The following CLIP2 variants were observed in gnomAD, a reference collection of about 807,000 sequenced individuals.
The protein encoded by CLIP2 is CAP-Gly domain containing linker protein 2, also known as CAP-Gly domain-containing linker protein 2.
In CLIP2, 41 loss-of-function variants were observed where a neutral mutation model predicts 111.7. That is an observed-to-expected ratio of 0.37 (90% CI 0.29 to 0.48). CLIP2 has a LOEUF of 0.48. CLIP2 is among the 20% of genes least tolerant of loss of function. CLIP2 has a pLI of 0.99. For missense variants in CLIP2, 1,160 were observed against 1,422.1 expected, an observed-to-expected ratio of 0.82 and a Z score of 2.96; for synonymous variants, 660 against 644.2, an observed-to-expected ratio of 1.02 and a Z score of -0.37.
chr7:74,364,178 T>C, intron 7 of CLIP2, 77 bp from the exon 8 acceptor site: 1 of 1,339,742 alleles, frequency 7.5e-7, no homozygotes, highest in East Asian at 2.5e-5. Context: ...GCCTTGCCTC[T>C]CTCTGCTGTT....
At chr7:74,329,861 C>T (rs2116533822) in intron 2 of CLIP2, among the ~76,000 whole-genome samples, 1 of 152,132 alleles carries the variant, frequency 6.6e-6, no homozygotes, top group South Asian at 2.1e-4. Context: ...CTCACTGCAA[C>T]CTCTGCCTCC....
At chr7:74,324,504 C>T (rs781813298) in intron 2 of CLIP2, among the ~76,000 whole-genome samples, 1 of 152,052 alleles carries the variant, frequency 6.6e-6, no homozygotes, top group Non-Finnish European at 1.5e-5. Flanking sequence ...ACTGGGTGGT[C>T]GGACTGCCTT....
intron 3 of CLIP2, among the ~76,000 whole-genome samples, chr7:74,349,301 CGT>C (rs1789902476): frequency 6.7e-6 from 1 of 150,198 alleles, no homozygotes; most frequent in Non-Finnish European, 1.5e-5. Flanking sequence ...CGTGGTGGCA[CGT>C]GCCTGTAATC....
At chr7:74,354,148 C>A in intron 4 of CLIP2, 144 bp downstream of exon 4, 2 of 1,013,996 alleles carry the variant, frequency 2.0e-6, no homozygotes, top group East Asian at 2.4e-5. Flanking sequence ...CCCTCCTTCC[C>A]AACAGCCCAC....
intron 1 of CLIP2, among the ~76,000 whole-genome samples, chr7:74,306,511 A>G (rs903220550): frequency 6.6e-6 from 1 of 152,008 alleles, no homozygotes. Flanking sequence ...CCAAACCAAG[A>G]TGGGCTTTCC....
intron 1 of CLIP2, among the ~76,000 whole-genome samples, chr7:74,305,542 G>A (rs927337678): frequency 2.7e-4 from 41 of 152,274 alleles, no homozygotes; most frequent in Admixed American, 1.4e-3. Context: ...CGCCCAGGCT[G>A]GAGTGCAATG....
chr7:74,399,009 G>C (rs981120653), intron 14 of CLIP2, among the ~76,000 whole-genome samples: 1 of 151,196 alleles, frequency 6.6e-6, no homozygotes, highest in Non-Finnish European at 1.5e-5. Context: ...CTGTGTCCAC[G>C]GGAGAACTTG....
intron 8 of CLIP2, among the ~76,000 whole-genome samples, chr7:74,366,613 C>T (rs1584365066): frequency 6.6e-6 from 1 of 152,228 alleles, no homozygotes; most frequent in South Asian, 2.1e-4. Context: ...CGTGGTGGCT[C>T]ACGCCTGTAA....
At chr7:74,291,727 C>T (rs1788024963) in intron 1 of CLIP2, among the ~76,000 whole-genome samples, 1 of 152,156 alleles carries the variant, frequency 6.6e-6, no homozygotes, top group East Asian at 1.9e-4. Flanking sequence ...CTGGTTAGCC[C>T]TGACCCGGCA....
intron 1 of CLIP2, among the ~76,000 whole-genome samples, chr7:74,315,078 G>T (rs1407402781): frequency 1.3e-5 from 2 of 152,098 alleles, no homozygotes; most frequent in Non-Finnish European, 2.9e-5. Flanking sequence ...GAGTTTGAGA[G>T]CAGTCTGGCC....
chr7:74,299,285 A>G (rs1298748747), intron 1 of CLIP2, among the ~76,000 whole-genome samples: 1 of 152,084 alleles, frequency 6.6e-6, no homozygotes, highest in East Asian at 1.9e-4. Context: ...TGATTGTGCC[A>G]CTGCATTCTA....
chr7:74,395,804 A>G (rs146338636), intron 13 of CLIP2, among the ~76,000 whole-genome samples: 1 of 151,800 alleles, frequency 6.6e-6, no homozygotes, highest in Non-Finnish European at 1.5e-5. Flanking sequence ...TTAAAGTAGC[A>G]GAGATTTCCT....
intron 3 of CLIP2, among the ~76,000 whole-genome samples, chr7:74,345,476 A>G (rs1167545595): frequency 6.6e-6 from 1 of 151,726 alleles, no homozygotes; most frequent in Non-Finnish European, 1.5e-5. Flanking sequence ...CAAGTGATCC[A>G]CCCACCTCAG....
chr7:74,363,622 CGCCT>C (rs1790395155), intron 7 of CLIP2, among the ~76,000 whole-genome samples: 2 of 152,190 alleles, frequency 1.3e-5, no homozygotes, highest in African/African-American at 4.8e-5. Context: ...CGGAGGCTCA[CGCCT>C]GTAATCCCAG....
Position 74,351,758 on chromosome 7 carries a change from C to T in CLIP2, c.679-2122C>T, listed in dbSNP as rs142831629. Among the ~76,000 whole-genome samples the T allele has an allele frequency of 8.2e-3, 1,243 of 152,290 alleles. 5 individuals carry two copies. The highest frequency in any genetic ancestry group is 0.014 in the Middle Eastern group (4 of 294). ...GGCTGATGCTGGAGAACCGCTTGAA[C>T]CTGGGAGGCGGAGGTTTCAGTGAGC... is the stretch of plus-strand genomic sequence containing the variant. On this transcript the variant is annotated intron_variant, in intron 3 of 16. Coordinates refer to ENST00000223398, the MANE Select transcript of CLIP2 (RefSeq NM_003388.5).
At chr7:74,348,895 C>T (rs1421566992) in intron 3 of CLIP2, among the ~76,000 whole-genome samples, 1 of 152,000 alleles carries the variant, frequency 6.6e-6, no homozygotes, top group African/African-American at 2.4e-5. Context: ...GCCTGTAATC[C>T]CAGTACTTTG....
chr7:74,390,747 GT>G (rs201610831), intron 13 of CLIP2, among the ~76,000 whole-genome samples: 48,179 of 108,538 alleles, frequency 0.44, 9,139 homozygotes, highest in Non-Finnish European at 0.52. Flanking sequence ...TTCTGGCGGG[GT>G]GGGGGGGGTG....
chr7:74,293,011 C>T (rs782450485), intron 1 of CLIP2, among the ~76,000 whole-genome samples: 10 of 152,184 alleles, frequency 6.6e-5, no homozygotes, highest in Non-Finnish European at 1.2e-4. Flanking sequence ...GCAGCTCTCC[C>T]CATGCTCCCA....
At chr7:74,348,722 G>A (rs1255902204) in intron 3 of CLIP2, among the ~76,000 whole-genome samples, 7 of 150,970 alleles carry the variant, frequency 4.6e-5, no homozygotes, top group African/African-American at 7.3e-5. Context: ...CCCAGGAGGC[G>A]GAGGTTGCAG....
Sources: gnomAD v4.1 joint callset for allele counts (sites outside exome capture counted in the v4.1 genomes callset) on GRCh38, gnomAD v4.1.1 for gene constraint, MANE v1.5 for transcripts, NCBI Gene and HGNC (gene_info 2026-07-23, HGNC 2026-07-21) for gene names.